ITPK1: variants seen among roughly 807,000 people sequenced by gnomAD.
ITPK1 encodes the protein inositol 1,3,4-trisphosphate 5/6-kinase.
A neutral mutation model predicts 45.3 loss-of-function variants in ITPK1; 21 were observed. The observed-to-expected ratio is 0.46, with a 90% CI of 0.33 to 0.67. The LOEUF (loss-of-function observed/expected upper bound fraction) is 0.67. Among genes scored for constraint, ITPK1 ranks in the 30% least tolerant of loss-of-function variants. The pLI is 0.02. For missense variants in ITPK1, 474 were observed against 573.5 expected, an observed-to-expected ratio of 0.83 and a Z score of 1.77; for synonymous variants, 258 against 253.6, an observed-to-expected ratio of 1.02 and a Z score of -0.16.
At chr14:93,113,116 C>T (rs12893974) in intron 2 of ITPK1, among the ~76,000 whole-genome samples, 4,947 of 152,342 alleles carry the variant, frequency 0.032, 111 homozygotes, top group Non-Finnish European at 0.049. Context: ...AAGTGGGCTT[C>T]CTCGGGTTCT....
At chr14:93,013,243 G>A (rs1481434958) in intron 4 of ITPK1, among the ~76,000 whole-genome samples, 1 of 152,192 alleles carries the variant, frequency 6.6e-6, no homozygotes, top group Admixed American at 6.5e-5. Context: ...TCCCAATTGA[G>A]TCTCCAAGCC....
At chr14:93,106,338 T>C (rs1198833414) in intron 2 of ITPK1, among the ~76,000 whole-genome samples, 1 of 152,188 alleles carries the variant, frequency 6.6e-6, no homozygotes, top group Non-Finnish European at 1.5e-5. Context: ...AACAAGGCTC[T>C]AGAAGGACAC....
rs951838984 is a variant in ITPK1, at chr14:93,113,491, C to T, written c.95+1578G>A. ...GGTGCGAGGTATTCGCTGGGATTTC[C>T]CAAGTCTTACATGACTGCAGGGGGA... On this transcript the variant is annotated intron_variant, in intron 2 of 10. Transcript: ENST00000267615. Among the ~76,000 whole-genome samples the T allele has an allele frequency of 7.2e-5, 11 of 152,290 alleles. No individual in the cohort carries two copies. The South Asian group carries it at 2.3e-3, about 32-fold the overall frequency.
chr14:93,092,830 C>T (rs1378851948), intron 2 of ITPK1, among the ~76,000 whole-genome samples: 1 of 152,192 alleles, frequency 6.6e-6, no homozygotes, highest in Non-Finnish European at 1.5e-5. Flanking sequence ...CTCCAGGCAC[C>T]AGGAGACTCC....
Position 93,016,790 on chromosome 14 carries a change from G to T in ITPK1, c.132C>A (p.Ser44Arg), listed in dbSNP as rs752362939. The change falls in exon 4 of 11, where the codon AGC (serine) becomes AGA (arginine). Residue 44 changes from serine (S) to arginine (R), a missense_variant. Ser to Arg is a moderately radical substitution (Grantham distance 110). Transcript: ENST00000267615. This position sits in a 1 kb window ranked among gnomAD's most constrained non-coding sequence, Gnocchi z 5.0. The part of the protein sequence containing the change: ...RGMEVVQLNL[S>R]RPIEEQGPLD... ...GGGGGCCCTGCTCCTCGATCGGCCG[G>T]CTAAGGTTCAGCTGTGAGGCAGGGA... The T allele has an allele frequency of 1.2e-6, 2 of 1,613,888 alleles. No individual in the cohort carries two copies. Among genetic ancestry groups the T allele is most frequent in the Non-Finnish European group, 1.7e-6 (2 of 1,179,986 alleles).
At chr14:92,977,390 C>T (rs1886000592) in intron 5 of ITPK1, among the ~76,000 whole-genome samples, 2 of 152,186 alleles carry the variant, frequency 1.3e-5, no homozygotes, top group Admixed American at 6.5e-5. Context: ...AGATGGAACT[C>T]TTGACCCTTA....
intron 5 of ITPK1, among the ~76,000 whole-genome samples, chr14:92,991,454 G>A (rs1004923446): frequency 4.6e-5 from 7 of 152,098 alleles, no homozygotes; most frequent in East Asian, 1.9e-4. Context: ...CCAAGCATGC[G>A]TTAGGGTTTG....
chr14:92,949,725 G>A (rs1004703852), intron 9 of ITPK1, among the ~76,000 whole-genome samples: 4 of 152,248 alleles, frequency 2.6e-5, no homozygotes, highest in Admixed American at 6.5e-5. Context: ...ACTGCCACAC[G>A]CCCCATGGCA....
intron 5 of ITPK1, among the ~76,000 whole-genome samples, chr14:92,989,554 G>C (rs1221557847): frequency 6.6e-6 from 1 of 152,158 alleles, no homozygotes; most frequent in African/African-American, 2.4e-5. Context: ...GCTCACCCTA[G>C]GGTAGCACAG....
At chr14:93,078,262 A>G (rs1891308232) in intron 2 of ITPK1, among the ~76,000 whole-genome samples, 1 of 152,174 alleles carries the variant, frequency 6.6e-6, no homozygotes, top group African/African-American at 2.4e-5. Context: ...CCCTTGTTTC[A>G]TGGCACAGCT....
rs952129411 is a variant in ITPK1, at chr14:93,102,409, A to G, written c.95+12660T>C. Reference sequence around the variant, plus strand: ...CTGCAGGGAGGCGGCAAAGGCCTCTAGTGGCAAGGCCATAATTCCTTTTCT... The same window carrying G: ...CTGCAGGGAGGCGGCAAAGGCCTCTGGTGGCAAGGCCATAATTCCTTTTCT... On this transcript the variant is annotated intron_variant, in intron 2 of 10. Coordinates refer to ENST00000267615, the MANE Select transcript of ITPK1 (RefSeq NM_014216.6). 3.9e-5 allele frequency among the ~76,000 whole-genome samples: 6 copies of G among 152,272 alleles called. No homozygotes were observed. The East Asian group carries it at 7.7e-4, about 20-fold the overall frequency.
intron 9 of ITPK1, among the ~76,000 whole-genome samples, chr14:92,947,544 T>G (rs1005591367): frequency 6.6e-6 from 1 of 152,226 alleles, no homozygotes; most frequent in African/African-American, 2.4e-5. Context: ...AAACAGTACT[T>G]GGCCTCTCTG....
At chr14:93,015,607 G>A (rs567171959) in intron 4 of ITPK1, among the ~76,000 whole-genome samples, 1 of 152,372 alleles carries the variant, frequency 6.6e-6, no homozygotes, top group South Asian at 2.1e-4. Flanking sequence ...GGGGCCACTG[G>A]CAGGGCAGAC....
Position 92,940,963 on chromosome 14 carries a change from C to T in ITPK1, c.*598G>A, listed in dbSNP as rs767689662. On this transcript the variant is annotated 3_prime_UTR_variant, in exon 11 of 11. Transcript: ENST00000267615. ...AGGGAGCACAGCCCAGACCCCAGCG[C>T]GGAACTCCCCTGAGGGGTCTGTGGC... is the stretch of plus-strand genomic sequence containing the variant. 258 of 1,286,162 alleles carry T rather than the reference C, an allele frequency of 2.0e-4. 1 individual carries two copies. The highest frequency in any genetic ancestry group is 3.2e-4 in the Middle Eastern group (1 of 3,130). 79.7% of individuals were successfully genotyped at this position (1,286,162 alleles called of 1,614,324 possible).
chr14:93,103,925 A>T (rs1361404901), intron 2 of ITPK1, among the ~76,000 whole-genome samples: 1 of 152,208 alleles, frequency 6.6e-6, no homozygotes, highest in Non-Finnish European at 1.5e-5. Flanking sequence ...CCACTGGAGG[A>T]TCCCCCAGAA....
At chr14:92,971,337 C>T (rs1463838905) in intron 5 of ITPK1, among the ~76,000 whole-genome samples, 1 of 152,224 alleles carries the variant, frequency 6.6e-6, no homozygotes, top group African/African-American at 2.4e-5. Flanking sequence ...AGTTTCCTTG[C>T]TGTAAAATGA....
At chr14:93,078,359 C>A (rs567821478) in intron 2 of ITPK1, among the ~76,000 whole-genome samples, 1 of 152,162 alleles carries the variant, frequency 6.6e-6, no homozygotes, top group Non-Finnish European at 1.5e-5. Context: ...AGGCACTGAG[C>A]GGAACCTCAC....
intron 8 of ITPK1, 103 bp from the exon 9 acceptor site, chr14:92,952,116 G>A (rs970473881): frequency 8.7e-6 from 8 of 917,726 alleles, no homozygotes; most frequent in African/African-American, 3.3e-5. Flanking sequence ...CACACAACAC[G>A]TGGCCCCCGG....
chr14:93,075,326 C>CAAAAAAAAAAAAAAAAAA, intron 3 of ITPK1, among the ~76,000 whole-genome samples: 1 of 53,958 alleles, frequency 1.9e-5, no homozygotes, highest in Non-Finnish European at 3.3e-5. Flanking sequence ...GACTCCTTCT[C>CAAAAAAAAAAAAAAAAAA]AAAAAAAAAA....
Sources: gnomAD v4.1 joint callset for allele counts (sites outside exome capture counted in the v4.1 genomes callset) on GRCh38, gnomAD v4.1.1 for gene constraint, Gnocchi (gnomAD v3.1) non-coding constraint, MANE v1.5 for transcripts, NCBI Gene and HGNC (gene_info 2026-07-23, HGNC 2026-07-21) for gene names.